The following NAV3 variants were observed in gnomAD, a reference collection of about 807,000 sequenced individuals.
The protein encoded by NAV3 is neuron navigator 3, also known as pore membrane and/or filament interacting like protein 1.
NAV3 carries 87 observed loss-of-function variants against 244.7 expected under a neutral mutation model. That is an observed-to-expected ratio of 0.36 (90% CI 0.30 to 0.42). The LOEUF (loss-of-function observed/expected upper bound fraction) is 0.42, where lower values mean the gene tolerates loss of function less well. NAV3 is among the 20% of genes least tolerant of loss of function. The pLI is 1.00. For synonymous variants in NAV3, 1,126 were observed against 1,042.2 expected, an observed-to-expected ratio of 1.08 and a Z score of -1.55; for missense variants, 2,663 against 2,893.3, an observed-to-expected ratio of 0.92 and a Z score of 1.83.
intron 1 of NAV3, among the ~76,000 whole-genome samples, chr12:77,832,553 G>T (rs946486495): frequency 1.3e-5 from 2 of 152,088 alleles, no homozygotes; most frequent in African/African-American, 4.8e-5. Flanking sequence ...TTCTGATACA[G>T]GCATACAATG....
chr12:77,851,479 T>C (rs1373306844), intron 1 of NAV3, among the ~76,000 whole-genome samples: 1 of 152,210 alleles, frequency 6.6e-6, no homozygotes, highest in African/African-American at 2.4e-5. Context: ...AAAACACTTT[T>C]GTGCTCAATG....
At chr12:78,185,183 C>T (rs1958659623) in intron 30 of NAV3, among the ~76,000 whole-genome samples, 1 of 151,736 alleles carries the variant, frequency 6.6e-6, no homozygotes, top group Admixed American at 6.6e-5. Flanking sequence ...CAGTCAATTT[C>T]AGCACCTTTA....
intron 2 of NAV3, among the ~76,000 whole-genome samples, chr12:77,622,319 C>A (rs951247399): frequency 1.3e-5 from 2 of 151,952 alleles, no homozygotes; most frequent in Non-Finnish European, 2.9e-5. Flanking sequence ...GCCACCACAC[C>A]CGGATAATTT....
chr12:77,956,834 C>G (rs769564571), intron 3 of NAV3, among the ~76,000 whole-genome samples: 2 of 151,298 alleles, frequency 1.3e-5, no homozygotes, highest in Non-Finnish European at 3.0e-5. Flanking sequence ...CTCCTCCTCC[C>G]GGGTTCAAGC....
chr12:78,139,211 A>G (rs186380961), intron 19 of NAV3, among the ~76,000 whole-genome samples: 2 of 152,156 alleles, frequency 1.3e-5, no homozygotes, highest in African/African-American at 2.4e-5. Flanking sequence ...GACCACATCT[A>G]TATACTCAGT....
chr12:78,144,984 C>CAAAGT, intron 20 of NAV3: 1 of 172,226 alleles, frequency 5.8e-6, no homozygotes. Context: ...AAAACAAAAG[C>CAAAGT]AAAGTACTAG....
At chr12:78,185,487 T>C (rs1958672826) in intron 30 of NAV3, 114 bp from the exon 31 acceptor site, 5 of 866,160 alleles carry the variant, frequency 5.8e-6, no homozygotes, top group Admixed American at 2.3e-5. Context: ...TAGGCTAGAA[T>C]GGGAAGCAAA....
intron 11 of NAV3, among the ~76,000 whole-genome samples, chr12:78,058,633 A>G (rs1883867849): frequency 6.6e-6 from 1 of 152,194 alleles, no homozygotes; most frequent in African/African-American, 2.4e-5. Context: ...CTCTTCAAAA[A>G]CAGTATTTCA....
At chr12:77,864,074 A>G (rs770201435) in intron 1 of NAV3, among the ~76,000 whole-genome samples, 1 of 151,934 alleles carries the variant, frequency 6.6e-6, no homozygotes, top group Non-Finnish European at 1.5e-5. Context: ...TACATCACAC[A>G]CAATAAAAGC....
At chr12:78,023,965 C>T (rs1877574166) in intron 9 of NAV3, among the ~76,000 whole-genome samples, 1 of 152,108 alleles carries the variant, frequency 6.6e-6, no homozygotes. Context: ...TAGATCTAGG[C>T]ACCATCAGAA....
At chr12:77,869,836 C>T (rs1485752017) in intron 1 of NAV3, among the ~76,000 whole-genome samples, 1 of 152,072 alleles carries the variant, frequency 6.6e-6, no homozygotes, top group Non-Finnish European at 1.5e-5. Context: ...TGGTTTGACC[C>T]ACTAGTGTAT....
intron 2 of NAV3, among the ~76,000 whole-genome samples, chr12:77,650,278 T>G (rs1872767173): frequency 6.6e-6 from 1 of 152,170 alleles, no homozygotes; most frequent in South Asian, 2.1e-4. Flanking sequence ...CATGGGATGT[T>G]TTTGAGAGGT....
In NAV3 at chr12:77,816,537, C is replaced by T. The variant is rs139747489; in HGVS notation, c.73-123782C>T. On this transcript the variant is annotated intron_variant, in intron 2 of 8. Transcript: ENST00000550042. ...ACCAGGCAAAGCACAGGTAAAGCCACCAGGTAGCTTCTGAAAAGTGTTGTT... is the reference window on the plus strand; with the variant it reads ...ACCAGGCAAAGCACAGGTAAAGCCATCAGGTAGCTTCTGAAAAGTGTTGTT... Among the ~76,000 whole-genome samples, 40 of 152,288 alleles carry T rather than the reference C, an allele frequency of 2.6e-4. No homozygotes were observed. In the East Asian group the frequency reaches 7.7e-3, roughly 29 times the overall value.
chr12:78,005,336 G>A (rs115018051), intron 7 of NAV3, among the ~76,000 whole-genome samples: 262 of 152,310 alleles, frequency 1.7e-3, no homozygotes, highest in African/African-American at 6.1e-3. Flanking sequence ...ATATTGCATA[G>A]CTATGAAACA....
intron 9 of NAV3, among the ~76,000 whole-genome samples, chr12:78,045,832 T>C (rs540982610): frequency 2.8e-3 from 431 of 152,316 alleles, no homozygotes; most frequent in African/African-American, 6.9e-3. Flanking sequence ...GTAGTTCTGT[T>C]AGAATTCGAC....
chr12:77,791,358 A>G (rs1447575561), intron 2 of NAV3, among the ~76,000 whole-genome samples: 2 of 151,180 alleles, frequency 1.3e-5, no homozygotes, highest in Non-Finnish European at 3.0e-5. Context: ...CCATCTCAAA[A>G]AAAAAAAAAA....
chr12:77,893,588 T>TA (rs533047055), intron 1 of NAV3, among the ~76,000 whole-genome samples: 3,978 of 140,512 alleles, frequency 0.028, 110 homozygotes, highest in African/African-American at 0.071. Context: ...ATAGCCAAAC[T>TA]AAAAAAAAAA....
chr12:78,022,570 G>A (rs917623508), intron 9 of NAV3, among the ~76,000 whole-genome samples: 1 of 152,078 alleles, frequency 6.6e-6, no homozygotes, highest in African/African-American at 2.4e-5. Context: ...ATGAAAGTAG[G>A]GGTGTGTCTG....
chr12:77,726,805 G>A (rs1421587944), intron 2 of NAV3, among the ~76,000 whole-genome samples: 1 of 151,920 alleles, frequency 6.6e-6, no homozygotes, highest in African/African-American at 2.4e-5. Flanking sequence ...AAGCTGCTTG[G>A]CACAGTGGAT....
Sources: allele counts gnomAD v4.1 joint callset (sites outside exome capture counted in the v4.1 genomes callset), GRCh38; gene constraint gnomAD v4.1.1; transcripts MANE v1.5; gene names NCBI Gene and HGNC (gene_info 2026-07-23, HGNC 2026-07-21).